The following SLC17A8 variants were observed in gnomAD, a reference collection of about 807,000 sequenced individuals.
The protein encoded by SLC17A8 is solute carrier family 17 member 8, also known as vesicular glutamate transporter 3.
SLC17A8 carries 31 observed loss-of-function variants against 58.0 expected under a neutral mutation model. That is an observed-to-expected ratio of 0.53 (90% CI 0.40 to 0.72). The LOEUF is 0.72. Among genes scored for constraint, SLC17A8 ranks in the 30% least tolerant of loss-of-function variants. SLC17A8 has a pLI of 0.00. For synonymous variants in SLC17A8, 228 were observed against 249.0 expected (o/e 0.92, Z 0.79); for missense variants, 655 against 727.8 (o/e 0.90, Z 1.15).
rs377700490 is a variant in SLC17A8 at position 100,391,135 on chromosome 12, A to G, written c.473+16A>G. 2.7e-5 allele frequency: 40 copies of G among 1,507,076 alleles called. No homozygotes were observed. The highest frequency in any genetic ancestry group is 1.1e-4 in the East Asian group (5 of 44,284). 93.4% of individuals were successfully genotyped at this position (1,507,076 alleles called of 1,614,324 possible). A position where few individuals can be genotyped will look rare whatever the true frequency, so the allele number is the denominator to read the frequency against. ...CTGCTAACAGGTAAGATAAATTGAT[A>G]TAACATGATACAAACCAATGAAATG... On this transcript the variant is annotated intron_variant, in intron 3 of 11. Transcript: ENST00000323346.
chr12:100,389,811 T>TATTATG (rs1952702017), intron 2 of SLC17A8, among the ~76,000 whole-genome samples: 1 of 141,618 alleles, frequency 7.1e-6, no homozygotes, highest in African/African-American at 2.6e-5. Flanking sequence ...TTTGTATTAT[T>TATTATG]ATTATTATTA....
chr12:100,407,101 T>C (rs1232694186), intron 9 of SLC17A8, among the ~76,000 whole-genome samples: 4 of 152,248 alleles, frequency 2.6e-5, no homozygotes, highest in African/African-American at 9.6e-5. Context: ...AGTGCGGTGT[T>C]CAACCTATAA....
Position 100,420,008 on chromosome 12 carries a change from C to T in SLC17A8, c.1619C>T (p.Ala540Val), listed in dbSNP as rs375018718. The change falls in exon 12 of 12, where the codon GCG becomes GTG. Residue 540 changes from alanine (A) to valine (V), a missense_variant. Ala to Val is a moderately conservative substitution (Grantham distance 64). Coordinates refer to ENST00000323346, the MANE Select transcript of SLC17A8 (RefSeq NM_139319.3). ...EEIELNHESF[A>V]SPKKKMSYGA... ...ATAGAACTCAACCATGAGAGTTTTG[C>T]GAGTCCCAAAAAGAAGATGTCTTAT... 320 of 1,613,484 alleles carry T rather than the reference C, an allele frequency of 2.0e-4. No individual in the cohort carries two copies. The highest frequency in any genetic ancestry group is 2.6e-4 in the Non-Finnish European group (309 of 1,179,816).
intron 1 of SLC17A8, among the ~76,000 whole-genome samples, chr12:100,371,881 T>G (rs1242674032): frequency 6.6e-6 from 1 of 152,136 alleles, no homozygotes; most frequent in African/African-American, 2.4e-5. Context: ...AGTGTCTCAG[T>G]CTTCTGAGCG....
chr12:100,367,216 A>G (rs953045661), intron 1 of SLC17A8, among the ~76,000 whole-genome samples: 2 of 152,234 alleles, frequency 1.3e-5, no homozygotes, highest in Non-Finnish European at 2.9e-5. Flanking sequence ...ATTTTTAAAG[A>G]AAATAAGTTA....
At chr12:100,406,072 C>A (rs1321028157) in intron 9 of SLC17A8, among the ~76,000 whole-genome samples, 2 of 152,188 alleles carry the variant, frequency 1.3e-5, no homozygotes, top group African/African-American at 4.8e-5. Context: ...CTGAACAGCC[C>A]TCACCCAAGC....
chr12:100,394,352 T>C (rs1441131314), intron 4 of SLC17A8, among the ~76,000 whole-genome samples: 1 of 150,900 alleles, frequency 6.6e-6, no homozygotes, highest in South Asian at 2.1e-4. Context: ...CTCTAAGCAA[T>C]ACCATCTTTG....
chr12:100,363,858 T>C (rs908637737), intron 1 of SLC17A8, among the ~76,000 whole-genome samples: 13 of 151,974 alleles, frequency 8.6e-5, no homozygotes, highest in African/African-American at 3.1e-4. Flanking sequence ...CTGGTCAACA[T>C]GGTGAAACAT....
intron 2 of SLC17A8, among the ~76,000 whole-genome samples, chr12:100,385,200 C>T (rs550534939): frequency 6.7e-6 from 1 of 148,236 alleles, no homozygotes; most frequent in African/African-American, 2.5e-5. Flanking sequence ...GGCTGACTGG[C>T]TGAGCCTAGC....
intron 1 of SLC17A8, among the ~76,000 whole-genome samples, chr12:100,361,805 C>T (rs180732500): frequency 2.6e-5 from 4 of 151,852 alleles, no homozygotes; most frequent in South Asian, 4.2e-4. Flanking sequence ...TACTAAAAGA[C>T]AAAAAATGAG....
intron 10 of SLC17A8, among the ~76,000 whole-genome samples, chr12:100,417,514 G>T (rs150786617): frequency 1.4e-4 from 22 of 152,148 alleles, no homozygotes; most frequent in African/African-American, 4.3e-4. Context: ...ATTACAGAAG[G>T]TTCTCCCAAT....
chr12:100,401,700 T>A, intron 5 of SLC17A8, 77 bp from the exon 6 acceptor site: 1 of 1,186,756 alleles, frequency 8.4e-7, no homozygotes, highest in South Asian at 1.2e-5. Context: ...TTCCTGACTT[T>A]ACCATATGAA....
chr12:100,380,593 T>G, intron 1 of SLC17A8, 108 bp from the exon 2 acceptor site: 1 of 1,179,570 alleles, frequency 8.5e-7, no homozygotes, highest in Non-Finnish European at 1.2e-6. Flanking sequence ...ACTATGGGTC[T>G]TCCTTTTTGT....
At chr12:100,379,174 C>G (rs879590223) in intron 1 of SLC17A8, among the ~76,000 whole-genome samples, 16 of 151,750 alleles carry the variant, frequency 1.1e-4, no homozygotes, top group Non-Finnish European at 1.3e-4. Flanking sequence ...CGGTGGCTCA[C>G]GCCTGTAATC....
At chr12:100,366,645 C>T (rs1248336052) in intron 1 of SLC17A8, among the ~76,000 whole-genome samples, 2 of 152,170 alleles carry the variant, frequency 1.3e-5, no homozygotes, top group African/African-American at 4.8e-5. Context: ...TCCTTAGTCA[C>T]GGAACCTTCG....
At chr12:100,403,208 G>A (rs184148339) in intron 8 of SLC17A8, among the ~76,000 whole-genome samples, 2 of 152,274 alleles carry the variant, frequency 1.3e-5, no homozygotes, top group African/African-American at 4.8e-5. Context: ...CAGGCGTGGT[G>A]GCTCACGCCT....
intron 10 of SLC17A8, among the ~76,000 whole-genome samples, chr12:100,415,723 C>G (rs1366568729): frequency 6.6e-6 from 1 of 152,236 alleles, no homozygotes; most frequent in Admixed American, 6.5e-5. Flanking sequence ...AGCCACCACA[C>G]CTGGCCTTCT....
intron 5 of SLC17A8, among the ~76,000 whole-genome samples, chr12:100,401,318 T>A (rs973646643): frequency 2.6e-5 from 4 of 151,978 alleles, no homozygotes; most frequent in East Asian, 1.9e-4. Flanking sequence ...TTTTTTTTTT[T>A]AATCAAGACT....
rs778910826 is a variant in SLC17A8, at chr12:100,380,786, C to G, written c.187C>G (p.Pro63Ala). 2.5e-6 allele frequency: 4 copies of G among 1,614,100 alleles called. 1 individual carries two copies. The South Asian group carries it at 3.3e-5, about 13-fold the overall frequency. ...RPVQTSRPSP[P>A]LCDCHCCGLP... ...GGTGCAGACGTCCAGGCCAAGCCCC[C>G]CACTCTGCGACTGCCACTGCTGCGG... Residue 63 changes from proline (P) to alanine (A), a missense_variant, in exon 2 of 12, where the codon CCA (proline) becomes GCA (alanine). Physicochemically the swap from Pro to Ala is conservative, Grantham distance 27 (BLOSUM62 -1). Coordinates refer to ENST00000323346, the MANE Select transcript of SLC17A8 (RefSeq NM_139319.3).
Sources: allele counts gnomAD v4.1 joint callset (sites outside exome capture counted in the v4.1 genomes callset), GRCh38; gene constraint gnomAD v4.1.1; transcripts MANE v1.5; gene names NCBI Gene and HGNC (gene_info 2026-07-23, HGNC 2026-07-21).